BNIP2: variants seen among roughly 807,000 people sequenced by gnomAD.
BNIP2 encodes BCL2 interacting protein 2, also known as BCL2/adenovirus E1B 19 kDa protein-interacting protein 2.
A neutral mutation model predicts 43.4 loss-of-function variants in BNIP2; 36 were observed. The observed-to-expected ratio is 0.83, with a 90% CI of 0.64 to 1.10. The LOEUF is 1.10. Ranked by LOEUF, BNIP2 falls within the 50% of genes least tolerant of loss-of-function variation. The pLI, the probability that BNIP2 is intolerant of heterozygous loss-of-function variation, is 0.00. For synonymous variants in BNIP2, 146 were observed against 121.0 expected, an observed-to-expected ratio of 1.21 and a Z score of -1.35; for missense variants, 417 against 374.1, an observed-to-expected ratio of 1.11 and a Z score of -0.95.
At chr15:59,666,224 C>A (rs900974978) in intron 9 of BNIP2, among the ~76,000 whole-genome samples, 3 of 152,142 alleles carry the variant, frequency 2.0e-5, no homozygotes, top group Admixed American at 6.5e-5. Flanking sequence ...TCCCCACAAG[C>A]CCCTCAAGAA....
chr15:59,668,035 T>G lies in BNIP2; in HGVS notation c.893+857A>C, dbSNP rs149306442. 437 of 1,073,670 alleles carry G rather than the reference T, an allele frequency of 4.1e-4. 1 individual carries two copies. The African/African-American group carries it at 6.8e-3, about 17-fold the overall frequency. The allele number at this position is 1,073,670 out of a possible 1,614,324, so 66.5% of individuals were successfully genotyped here. A position where few individuals can be genotyped will look rare whatever the true frequency, so the allele number is the denominator to read the frequency against. ...CTTTGTCTACAAGCTAACCAACCAA[T>G]AAGGAAGAGTTAGTCTGCAATGCAA... is the stretch of plus-strand genomic sequence containing the variant. On this transcript the variant is annotated intron_variant, in intron 9 of 9. Coordinates refer to ENST00000607373, the MANE Select transcript of BNIP2 (RefSeq NM_004330.4).
In BNIP2 at chr15:59,689,157, T is replaced by G. The variant is rs1894219611; in HGVS notation, c.-80A>C. ...CACCCCGGAGGAAGCCTTGGCCCCC[T>G]CGTCCTCTTCGCCCCTCCAGGCCGG... On this transcript the variant is annotated 5_prime_UTR_variant, in exon 1 of 10. Coordinates refer to ENST00000607373, the MANE Select transcript of BNIP2 (RefSeq NM_004330.4). The G allele has an allele frequency of 6.5e-7, 1 of 1,537,584 alleles. No individual in the cohort carries two copies. The highest frequency in any genetic ancestry group is 8.7e-7 in the Non-Finnish European group (1 of 1,146,420).
At chr15:59,668,197 G>GA (rs1892681438) in intron 9 of BNIP2, 1 of 1,030,762 alleles carries the variant, frequency 9.7e-7, no homozygotes, top group South Asian at 1.5e-5. Flanking sequence ...ATAAAAACTT[G>GA]AAAAAAGCTA....
At chr15:59,670,222 G>A (rs1209336232) in intron 7 of BNIP2, among the ~76,000 whole-genome samples, 1 of 152,302 alleles carries the variant, frequency 6.6e-6, no homozygotes, top group East Asian at 1.9e-4. Context: ...TTTAGTCCAG[G>A]AGTTCAAGAA....
At position 59,662,397 on chromosome 15, in the gene BNIP2, A is replaced by G. The variant is rs527246986; in HGVS notation, c.*1672T>C. 8 of 152,342 alleles carry G rather than the reference A, an allele frequency of 5.3e-5. No individual in the cohort carries two copies. Among genetic ancestry groups the G allele is most frequent in the Admixed American group, 4.6e-4 (7 of 15,292 alleles). The allele number at this position is 152,342 out of a possible 1,614,324, so 9.4% of individuals were successfully genotyped here. ...AGCAAGCAATAATCGTTTTGGCTCA[A>G]TTCACTGTAATGACATTAGTTCAGG... On this transcript the variant is annotated 3_prime_UTR_variant, in exon 10 of 10. Coordinates refer to ENST00000607373, the MANE Select transcript of BNIP2 (RefSeq NM_004330.4).
At chr15:59,680,967 A>C (rs1209901362) in intron 2 of BNIP2, among the ~76,000 whole-genome samples, 1 of 152,208 alleles carries the variant, frequency 6.6e-6, no homozygotes, top group East Asian at 1.9e-4. Context: ...TAACACATAA[A>C]AGTAGATATA....
At chr15:59,680,415 G>T in intron 2 of BNIP2, 107 bp from the exon 3 acceptor site, 1 of 844,034 alleles carries the variant, frequency 1.2e-6, no homozygotes, top group Non-Finnish European at 1.7e-6. Flanking sequence ...TTGGAAAATG[G>T]AATAAAGCAG....
intron 5 of BNIP2, among the ~76,000 whole-genome samples, chr15:59,674,038 C>G (rs1306252262): frequency 7.1e-6 from 1 of 140,274 alleles, no homozygotes; most frequent in Non-Finnish European, 1.5e-5. Context: ...TGCAGTGAGT[C>G]GAGACTGCAC....
intron 1 of BNIP2, among the ~76,000 whole-genome samples, chr15:59,685,911 A>G (rs1391918979): frequency 6.6e-6 from 1 of 152,204 alleles, no homozygotes; most frequent in Non-Finnish European, 1.5e-5. Context: ...GCTGACTCAC[A>G]AGTTAACTGT....
rs555956656 is a variant in BNIP2 at position 59,662,081 on chromosome 15, A to G, written c.*1988T>C. ...TACAGTTAGGAGCAATGACTGCAAAATCAAAAATCAAAATAATGCAAAAAA... is the reference window on the plus strand; with the variant it reads ...TACAGTTAGGAGCAATGACTGCAAAGTCAAAAATCAAAATAATGCAAAAAA... On this transcript the variant is annotated 3_prime_UTR_variant, in exon 10 of 10. Coordinates refer to ENST00000607373, the MANE Select transcript of BNIP2 (RefSeq NM_004330.4). The G allele has an allele frequency of 6.6e-6, 1 of 152,342 alleles. No homozygotes were observed. The highest frequency in any genetic ancestry group is 2.1e-4 in the South Asian group (1 of 4,830). 9.4% of individuals were successfully genotyped at this position (152,342 alleles called of 1,614,324 possible).
At position 59,662,458 on chromosome 15, in the gene BNIP2, G is replaced by A. The variant is rs1025598236; in HGVS notation, c.*1611C>T. On this transcript the variant is annotated 3_prime_UTR_variant, in exon 10 of 10. Coordinates refer to ENST00000607373, the MANE Select transcript of BNIP2 (RefSeq NM_004330.4). ...AGCTGCTGGATCTGAGTTAAGTCAG[G>A]AGGCTGCTGAGGAATGTTTCATCCT... 7 of 152,214 alleles carry A rather than the reference G, an allele frequency of 4.6e-5. No homozygotes were observed. Among genetic ancestry groups the A allele is most frequent in the Non-Finnish European group, 8.8e-5 (6 of 68,042 alleles). The allele number at this position is 152,214 out of a possible 1,614,324, so 9.4% of individuals were successfully genotyped here. A position where few individuals can be genotyped will look rare whatever the true frequency, so the allele number is the denominator to read the frequency against.
chr15:59,669,478 T>C, intron 7 of BNIP2, 116 bp from the exon 8 acceptor site: 1 of 633,874 alleles, frequency 1.6e-6, no homozygotes, highest in Non-Finnish European at 2.6e-6. Context: ...AAGTTCTCAA[T>C]TAGGTGTGAT....
intron 1 of BNIP2, chr15:59,688,683 G>A (rs1312224945): frequency 2.0e-6 from 3 of 1,530,474 alleles, no homozygotes; most frequent in African/African-American, 2.7e-5. Flanking sequence ...TTAAAGCCCT[G>A]ATTACTTATG....
rs775376067 is a variant in BNIP2 at position 59,679,672 on chromosome 15, T to C, written c.215A>G (p.Asp72Gly). Residue 72 changes from aspartate (D) to glycine (G), a missense_variant, in exon 4 of 10, where the codon GAT becomes GGT. Transcript: ENST00000607373. ...LDPSDGSVLS[D>G]DLDESGEIDL... Reference sequence around the variant, plus strand: ...AATCTCCCCACTTTCATCCAAATCATCTGACAATACAGAGCCATCACTAGG... The same window carrying C: ...AATCTCCCCACTTTCATCCAAATCACCTGACAATACAGAGCCATCACTAGG... 5 of 1,612,990 alleles carry C rather than the reference T, an allele frequency of 3.1e-6. No homozygotes were observed. The highest frequency in any genetic ancestry group is 3.4e-6 in the Non-Finnish European group (4 of 1,179,518).
intron 1 of BNIP2, among the ~76,000 whole-genome samples, chr15:59,684,066 C>T (rs1022422716): frequency 1.3e-5 from 2 of 152,244 alleles, no homozygotes; most frequent in South Asian, 2.1e-4. Flanking sequence ...CCTTATGTTC[C>T]GTAATGACAA....
intron 5 of BNIP2, among the ~76,000 whole-genome samples, chr15:59,676,123 G>C (rs1473145934): frequency 6.6e-6 from 1 of 152,088 alleles, no homozygotes; most frequent in Non-Finnish European, 1.5e-5. Flanking sequence ...ATAAATTAGG[G>C]AGACTGTTCA....
chr15:59,686,191 A>T (rs888383953), intron 1 of BNIP2, among the ~76,000 whole-genome samples: 3 of 152,208 alleles, frequency 2.0e-5, no homozygotes, highest in Non-Finnish European at 2.9e-5. Flanking sequence ...AGTACTGGTA[A>T]ATCCAACCAG....
chr15:59,676,357 ATTTTTTTT>A (rs1427144474), intron 5 of BNIP2, among the ~76,000 whole-genome samples: 3 of 151,322 alleles, frequency 2.0e-5, no homozygotes, highest in African/African-American at 7.3e-5. Context: ...TTATTTTTTT[ATTTTTTTT>A]ATTTTTTTGT....
In BNIP2 at chr15:59,689,276, CCG is replaced by C; in HGVS notation, c.-201_-200del. 3 of 1,545,894 alleles carry C rather than the reference CCG, an allele frequency of 1.9e-6. No individual in the cohort carries two copies. Among genetic ancestry groups the C allele is most frequent in the Non-Finnish European group, 2.6e-6 (3 of 1,146,316 alleles). On this transcript the variant is annotated 5_prime_UTR_variant, in exon 1 of 10. Transcript: ENST00000607373. ...TGGAGACCCCGGCCCAATCCCCCGGCCGCAGCGGTACGGCGTCGGCGGCAGCA... is the reference window on the plus strand; with the variant it reads ...TGGAGACCCCGGCCCAATCCCCCGGCCAGCGGTACGGCGTCGGCGGCAGCA...
Sources: gnomAD v4.1 joint callset for allele counts (sites outside exome capture counted in the v4.1 genomes callset) on GRCh38, gnomAD v4.1.1 for gene constraint, MANE v1.5 for transcripts, NCBI Gene and HGNC (gene_info 2026-07-23, HGNC 2026-07-21) for gene names.